Variants in FMN1 observed in about 807,000 individuals in gnomAD.
FMN1 encodes the protein formin 1, also known as formin-1.
FMN1 carries 110 observed loss-of-function variants against 132.4 expected under a neutral mutation model. The observed-to-expected ratio is 0.83, with a 90% confidence interval of 0.71 to 0.97. The LOEUF (loss-of-function observed/expected upper bound fraction) is 0.97, where lower values mean the gene tolerates loss of function less well. Among genes scored for constraint, FMN1 ranks in the 50% least tolerant of loss-of-function variants. The pLI is 0.00. For synonymous variants in FMN1, 722 were observed against 651.7 expected (o/e 1.11, Z -1.64); for missense variants, 1,792 against 1,705.3 (o/e 1.05, Z -0.90).
At chr15:33,142,233 A>G (rs1373911216) in intron 4 of FMN1, among the ~76,000 whole-genome samples, 1 of 152,204 alleles carries the variant, frequency 6.6e-6, no homozygotes, top group South Asian at 2.1e-4. Context: ...ACAGCTATAC[A>G]TTACCCAACT....
intron 6 of FMN1, among the ~76,000 whole-genome samples, chr15:33,010,183 G>A (rs570420492): frequency 2.6e-5 from 4 of 152,264 alleles, no homozygotes; most frequent in African/African-American, 9.6e-5. Context: ...AAGGCACTAT[G>A]CAGAGTGAAA....
In FMN1 at chr15:32,881,417, C is replaced by G. The variant is rs574359482; in HGVS notation, c.3835+6755G>C. Among the ~76,000 whole-genome samples, 9 of 152,242 alleles carry G rather than the reference C, an allele frequency of 5.9e-5. No individual in the cohort carries two copies. The East Asian group carries it at 1.2e-3, about 20-fold the overall frequency. On this transcript the variant is annotated intron_variant, in intron 16 of 20. Coordinates refer to ENST00000616417, the MANE Select transcript of FMN1 (RefSeq NM_001277313.2). The stretch of plus-strand genomic sequence containing the variant: ...AGTTTCCAAAATTTTGTGGTTCTCT[C>G]TATGCTTTAAAATTGATGCTTTTAA...
chr15:32,785,214 ATATATTTTT>A (rs1413145112), intron 19 of FMN1, among the ~76,000 whole-genome samples: 2 of 22,130 alleles, frequency 9.0e-5, no homozygotes, highest in African/African-American at 3.0e-4. Flanking sequence ...ATATATATAT[ATATATTTTT>A]TTTTTTTTTT....
chr15:33,150,141 T>A, intron 4 of FMN1: 4 of 985,462 alleles, frequency 4.1e-6, no homozygotes, highest in Non-Finnish European at 4.8e-6. Flanking sequence ...CCAAGTATGG[T>A]GAGCCAAGCT....
At chr15:33,097,707 A>C (rs2039141857) in intron 4 of FMN1, among the ~76,000 whole-genome samples, 1 of 152,192 alleles carries the variant, frequency 6.6e-6, no homozygotes, top group Admixed American at 6.5e-5. Flanking sequence ...AAAAGACATA[A>C]CATGCCTACA....
At chr15:32,942,607 G>T (rs1199378659) in intron 9 of FMN1, among the ~76,000 whole-genome samples, 2 of 151,922 alleles carry the variant, frequency 1.3e-5, no homozygotes, top group African/African-American at 2.4e-5. Context: ...CTGAAAGGAA[G>T]ATGATTAATT....
chr15:32,824,740 T>A (rs1206951485), intron 17 of FMN1, among the ~76,000 whole-genome samples: 2 of 152,228 alleles, frequency 1.3e-5, no homozygotes, highest in Non-Finnish European at 2.9e-5. Context: ...ACTACAGGTG[T>A]GAGCCACCGT....
chr15:33,074,783 A>G (rs1176659579), intron 5 of FMN1, among the ~76,000 whole-genome samples: 1 of 152,052 alleles, frequency 6.6e-6, no homozygotes, highest in African/African-American at 2.4e-5. Flanking sequence ...TGGGAGGCTG[A>G]GGCAGGCGGA....
In FMN1 at chr15:32,935,776, C is replaced by T. The variant is rs561482277; in HGVS notation, c.3139-9515G>A. ...CTGAATAGCTGGGATTACAGGCGTG[C>T]GCCACCCCACACAGCTAATTTTTGT... is the stretch of plus-strand genomic sequence containing the variant. On this transcript the variant is annotated intron_variant, in intron 9 of 20. Transcript: ENST00000616417. Among the ~76,000 whole-genome samples the T allele has an allele frequency of 3.3e-5, 5 of 151,800 alleles. No homozygotes were observed. In the East Asian group the frequency reaches 7.8e-4, roughly 24 times the overall value.
At chr15:32,968,665 C>A in intron 8 of FMN1, 49 bp downstream of exon 8, 1 of 1,606,948 alleles carries the variant, frequency 6.2e-7, no homozygotes, top group Non-Finnish European at 8.5e-7. Flanking sequence ...ATCACTTGGG[C>A]CAAATCCTAG....
chr15:33,143,016 A>G (rs1431864487), intron 4 of FMN1, among the ~76,000 whole-genome samples: 1 of 152,254 alleles, frequency 6.6e-6, no homozygotes, highest in Non-Finnish European at 1.5e-5. Flanking sequence ...ACTGGATTTT[A>G]CAATGAAGTT....
intron 17 of FMN1, among the ~76,000 whole-genome samples, chr15:32,855,637 T>C (rs2059114213): frequency 6.6e-6 from 1 of 152,212 alleles, no homozygotes; most frequent in African/African-American, 2.4e-5. Context: ...AATAGTACCC[T>C]GACATGCACA....
At chr15:33,092,409 G>A (rs1024809269) in intron 4 of FMN1, among the ~76,000 whole-genome samples, 3 of 152,070 alleles carry the variant, frequency 2.0e-5, no homozygotes, top group African/African-American at 7.2e-5. Context: ...CGCACCCACG[G>A]CCTTTTCTGG....
intron 5 of FMN1, chr15:33,066,930 C>G: frequency 1.2e-6 from 2 of 1,613,990 alleles, no homozygotes; most frequent in Non-Finnish European, 1.7e-6. Flanking sequence ...CCTGCCTGCA[C>G]TAAGGACTTC....
chr15:33,016,649 C>T (rs1279905762), intron 6 of FMN1, among the ~76,000 whole-genome samples: 1 of 152,200 alleles, frequency 6.6e-6, no homozygotes, highest in East Asian at 1.9e-4. Flanking sequence ...TAATGTTGAT[C>T]CAACACCTTT....
intron 4 of FMN1, among the ~76,000 whole-genome samples, chr15:33,126,638 T>TAAGCTGCAAATCCTGGCAGCATGC (rs1555405408): frequency 2.6e-5 from 4 of 151,688 alleles, no homozygotes; most frequent in African/African-American, 7.3e-5. Flanking sequence ...GCGGAAGTGT[T>TAAGCTGCAAATCCTGGCAGCATGC]AAGTTGCAAA....
At chr15:32,878,501 A>T (rs2059689767) in intron 16 of FMN1, among the ~76,000 whole-genome samples, 1 of 152,200 alleles carries the variant, frequency 6.6e-6, no homozygotes, top group Non-Finnish European at 1.5e-5. Flanking sequence ...GAGAGCAATG[A>T]ATTGATTCCA....
At chr15:33,036,104 C>A (rs563574849) in intron 6 of FMN1, among the ~76,000 whole-genome samples, 1 of 152,306 alleles carries the variant, frequency 6.6e-6, no homozygotes, top group East Asian at 1.9e-4. Flanking sequence ...GAATAAATCT[C>A]TTTTCTTTAT....
intron 17 of FMN1, among the ~76,000 whole-genome samples, chr15:32,856,223 C>T (rs995519804): frequency 6.6e-6 from 1 of 152,154 alleles, no homozygotes; most frequent in Non-Finnish European, 1.5e-5. Context: ...GTTGAGATAT[C>T]CCCCAAAGGC....
Sources: gnomAD v4.1 joint callset for allele counts (sites outside exome capture counted in the v4.1 genomes callset) on GRCh38, gnomAD v4.1.1 for gene constraint, MANE v1.5 for transcripts, NCBI Gene and HGNC (gene_info 2026-07-23, HGNC 2026-07-21) for gene names.